Variants in GRAMD1B observed in about 807,000 individuals in gnomAD.
The protein encoded by GRAMD1B is GRAM domain containing 1B.
GRAMD1B carries 37 observed loss-of-function variants against 99.7 expected under a neutral mutation model. The ratio of observed to expected loss-of-function variants is 0.37; its 90% CI spans 0.29 to 0.49. The LOEUF (loss-of-function observed/expected upper bound fraction) is 0.49. Ranked by LOEUF, GRAMD1B falls within the 20% of genes least tolerant of loss-of-function variation. GRAMD1B has a pLI of 0.98. For missense variants in GRAMD1B, 888 were observed against 1,009.2 expected, an observed-to-expected ratio of 0.88 and a Z score of 1.63; for synonymous variants, 427 against 387.6, an observed-to-expected ratio of 1.10 and a Z score of -1.19.
At chr11:123,521,278 T>C (rs1353305367) in intron 2 of GRAMD1B, among the ~76,000 whole-genome samples, 1 of 152,226 alleles carries the variant, frequency 6.6e-6, no homozygotes, top group African/African-American at 2.4e-5. Context: ...GAGTTCCAAT[T>C]TATATTTTCC....
At chr11:123,366,325 T>A (rs529605167) in intron 1 of GRAMD1B, among the ~76,000 whole-genome samples, 1 of 152,366 alleles carries the variant, frequency 6.6e-6, no homozygotes, top group South Asian at 2.1e-4. Context: ...TTTTAGAGTG[T>A]TGGCCCAACT....
intron 1 of GRAMD1B, among the ~76,000 whole-genome samples, chr11:123,372,692 G>A (rs1019495523): frequency 1.3e-5 from 2 of 152,176 alleles, no homozygotes; most frequent in African/African-American, 2.4e-5. Flanking sequence ...TCTGGTGGGT[G>A]TGTGTTTAAG....
At chr11:123,541,023 G>A (rs1944460562) in intron 2 of GRAMD1B, among the ~76,000 whole-genome samples, 1 of 151,980 alleles carries the variant, frequency 6.6e-6, no homozygotes. Context: ...GCCCAGGCTA[G>A]ATTGCAATGG....
At chr11:123,375,846 T>G (rs1490392328) in intron 1 of GRAMD1B, among the ~76,000 whole-genome samples, 2 of 152,238 alleles carry the variant, frequency 1.3e-5, no homozygotes, top group African/African-American at 2.4e-5. Context: ...AAAGAAGTTT[T>G]CGTGTACTCA....
intron 1 of GRAMD1B, among the ~76,000 whole-genome samples, chr11:123,393,934 C>A (rs1943466): frequency 0.36 from 54,779 of 152,074 alleles, 10,801 homozygotes; most frequent in African/African-American, 0.53. Flanking sequence ...TCCCATCTCT[C>A]TTCAATTTCA....
intron 1 of GRAMD1B, among the ~76,000 whole-genome samples, chr11:123,413,384 T>C (rs1948118157): frequency 2.0e-5 from 3 of 152,184 alleles, no homozygotes; most frequent in Admixed American, 2.0e-4. Context: ...TTTCCTTCAT[T>C]GCATTAATGG....
intron 1 of GRAMD1B, among the ~76,000 whole-genome samples, chr11:123,421,318 G>T (rs1377892144): frequency 2.0e-5 from 3 of 152,226 alleles, no homozygotes; most frequent in Admixed American, 1.3e-4. Context: ...GATGCGCACA[G>T]AATGTTTGCC....
At chr11:123,376,987 A>G (rs1300296002) in intron 1 of GRAMD1B, among the ~76,000 whole-genome samples, 2 of 152,214 alleles carry the variant, frequency 1.3e-5, no homozygotes, top group Admixed American at 1.3e-4. Flanking sequence ...TAAAAAGTAC[A>G]GAGTTCTACG....
In GRAMD1B at chr11:123,623,546, G is replaced by A. The variant is rs1955333003; in HGVS notation, c.*951G>A. On this transcript the variant is annotated 3_prime_UTR_variant, in exon 20 of 20. Transcript: ENST00000635736. Reference sequence around the variant, plus strand: ...TCAGTGTGATTTCCAGGATGAGTCAGGGTGTGCTGGGCCCTCCAGGATTTG... The same window carrying A: ...TCAGTGTGATTTCCAGGATGAGTCAAGGTGTGCTGGGCCCTCCAGGATTTG... 7.5e-6 allele frequency: 1 copy of A among 133,102 alleles called. No homozygotes were observed. The highest frequency in any genetic ancestry group is 7.6e-5 in the Admixed American group (1 of 13,214). 8.2% of individuals were successfully genotyped at this position (133,102 alleles called of 1,614,324 possible).
At chr11:123,383,587 C>T (rs1037341910) in intron 1 of GRAMD1B, among the ~76,000 whole-genome samples, 1 of 152,128 alleles carries the variant, frequency 6.6e-6, no homozygotes, top group Admixed American at 6.5e-5. Context: ...ACCACCTGGG[C>T]TGTCGGTCAC....
At chr11:123,479,575 T>C (rs893887905) in intron 1 of GRAMD1B, among the ~76,000 whole-genome samples, 1 of 150,784 alleles carries the variant, frequency 6.6e-6, no homozygotes, top group African/African-American at 2.4e-5. Context: ...GAAGCAGGGG[T>C]TGGCCAACTT....
At chr11:123,370,993 G>A (rs772003225) in intron 1 of GRAMD1B, among the ~76,000 whole-genome samples, 5 of 151,900 alleles carry the variant, frequency 3.3e-5, no homozygotes, top group South Asian at 2.1e-4. Context: ...CTGGGAGAAC[G>A]ATGAGATAGA....
At chr11:123,464,082 C>T (rs868219826) in intron 1 of GRAMD1B, among the ~76,000 whole-genome samples, 1 of 151,488 alleles carries the variant, frequency 6.6e-6, no homozygotes, top group African/African-American at 2.4e-5. Context: ...GTGGGAGGGT[C>T]GCTTGAGCCG....
intron 3 of GRAMD1B, among the ~76,000 whole-genome samples, chr11:123,577,893 G>T (rs1948909434): frequency 6.6e-6 from 1 of 151,982 alleles, no homozygotes; most frequent in Non-Finnish European, 1.5e-5. Flanking sequence ...TTCAAATTTG[G>T]TTCCTAGAGC....
intron 5 of GRAMD1B, 63 bp downstream of exon 5, chr11:123,594,229 A>T: frequency 1.7e-6 from 2 of 1,144,634 alleles, no homozygotes; most frequent in Non-Finnish European, 2.7e-6. Context: ...CATAGCACTC[A>T]GGGTGCTTCT....
chr11:123,564,506 G>T (rs1947136855), intron 2 of GRAMD1B, among the ~76,000 whole-genome samples: 1 of 152,228 alleles, frequency 6.6e-6, no homozygotes, highest in African/African-American at 2.4e-5. Flanking sequence ...ACTCCTGGGG[G>T]CTATTCCTCA....
chr11:123,431,772 G>C (rs994077592), intron 1 of GRAMD1B, among the ~76,000 whole-genome samples: 3 of 152,220 alleles, frequency 2.0e-5, no homozygotes, highest in African/African-American at 7.2e-5. Context: ...ATACCTACAA[G>C]ACTGTGGTTT....
chr11:123,399,852 T>C (rs1212239492), intron 1 of GRAMD1B, among the ~76,000 whole-genome samples: 1 of 152,178 alleles, frequency 6.6e-6, no homozygotes, highest in Non-Finnish European at 1.5e-5. Context: ...ACTTCTGACC[T>C]CAAGTGATCT....
intron 1 of GRAMD1B, among the ~76,000 whole-genome samples, chr11:123,457,464 C>A (rs1950212411): frequency 6.6e-6 from 1 of 152,214 alleles, no homozygotes; most frequent in Admixed American, 6.5e-5. Context: ...TTCCACTTAG[C>A]CTTCAAACAG....
Sources: gnomAD v4.1 joint callset for allele counts (sites outside exome capture counted in the v4.1 genomes callset) on GRCh38, gnomAD v4.1.1 for gene constraint, MANE v1.5 for transcripts, NCBI Gene and HGNC (gene_info 2026-07-23, HGNC 2026-07-21) for gene names.